Variants in KAZN observed in about 807,000 individuals in gnomAD.
The protein encoded by KAZN is kazrin.
In KAZN, 40 loss-of-function variants were observed where a neutral mutation model predicts 87.4. The ratio of observed to expected loss-of-function variants is 0.46; its 90% CI spans 0.36 to 0.60. The LOEUF is 0.60. Ranked by LOEUF, KAZN falls within the 20% of genes least tolerant of loss-of-function variation. The probability of loss-of-function intolerance (pLI) is 0.00; values close to 1 mark genes in which losing one functional copy is unlikely to be tolerated. For missense variants in KAZN, 898 were observed against 1,073.9 expected, an observed-to-expected ratio of 0.84 and a Z score of 2.29; for synonymous variants, 466 against 458.3, an observed-to-expected ratio of 1.02 and a Z score of -0.22.
chr1:14,063,749 T>C (rs1024926476), intron 1 of KAZN, among the ~76,000 whole-genome samples: 11 of 152,172 alleles, frequency 7.2e-5, no homozygotes. Flanking sequence ...GTGGAGATAA[T>C]TGAATCATGG....
At chr1:14,006,863 T>A (rs1433190074) in intron 1 of KAZN, among the ~76,000 whole-genome samples, 3 of 152,206 alleles carry the variant, frequency 2.0e-5, no homozygotes, top group Non-Finnish European at 4.4e-5. Flanking sequence ...TCTGTTTCTG[T>A]GAAAAATGCC....
chr1:14,402,809 A>C (rs1432728404), intron 2 of KAZN, among the ~76,000 whole-genome samples: 1 of 152,090 alleles, frequency 6.6e-6, no homozygotes, highest in Non-Finnish European at 1.5e-5. Flanking sequence ...TAAAAATCTC[A>C]CAGACCCAAA....
chr1:14,361,385 C>A (rs1571393255), intron 2 of KAZN, among the ~76,000 whole-genome samples: 1 of 152,330 alleles, frequency 6.6e-6, no homozygotes, highest in East Asian at 1.9e-4. Flanking sequence ...GGTGGTGGGA[C>A]CTGCTGAGCA....
chr1:14,478,156 A>C (rs541124330), intron 2 of KAZN, among the ~76,000 whole-genome samples: 7 of 152,192 alleles, frequency 4.6e-5, no homozygotes, highest in African/African-American at 1.7e-4. Context: ...CAGGACAAGA[A>C]AAATCCCTAG....
chr1:14,332,909 T>C (rs1656956046), intron 2 of KAZN, among the ~76,000 whole-genome samples: 2 of 152,176 alleles, frequency 1.3e-5, no homozygotes, highest in Admixed American at 6.5e-5. Flanking sequence ...CTGGGGTACA[T>C]GTGCAGGATG....
chr1:14,733,912 C>G (rs1366836433), intron 1 of KAZN, among the ~76,000 whole-genome samples: 1 of 152,194 alleles, frequency 6.6e-6, no homozygotes, highest in East Asian at 1.9e-4. Flanking sequence ...CACGCCCCAG[C>G]CAGTCCAGAC....
At chr1:14,970,513 T>C (rs1664915357) in intron 2 of KAZN, among the ~76,000 whole-genome samples, 1 of 152,066 alleles carries the variant, frequency 6.6e-6, no homozygotes, top group African/African-American at 2.4e-5. Context: ...TATGCAGTAA[T>C]TTTTTTTGCA....
At chr1:14,357,693 G>T (rs566492213) in intron 2 of KAZN, among the ~76,000 whole-genome samples, 1 of 152,290 alleles carries the variant, frequency 6.6e-6, no homozygotes, top group South Asian at 2.1e-4. Flanking sequence ...TGTGGTTTTT[G>T]TCATTGGTTC....
Position 15,024,392 on chromosome 1 carries a change from G to C in KAZN, c.419-10357G>C, listed in dbSNP as rs535839218. 3.9e-5 allele frequency among the ~76,000 whole-genome samples: 6 copies of C among 152,316 alleles called. No homozygotes were observed. In the East Asian group the frequency reaches 1.2e-3, roughly 29 times the overall value. On this transcript the variant is annotated intron_variant, in intron 2 of 14. Coordinates refer to ENST00000376030, the MANE Select transcript of KAZN (RefSeq NM_201628.3). ...GGGAAGGAAATGGAGACGGTGATAC[G>C]GTCAACCCTTTTGAACATTTTTGTT...
At chr1:15,064,301 A>G (rs1018413530) in intron 7 of KAZN, among the ~76,000 whole-genome samples, 2 of 152,152 alleles carry the variant, frequency 1.3e-5, no homozygotes, top group African/African-American at 4.8e-5. Flanking sequence ...CCACCAGGGA[A>G]GTGGTTCAAA....
chr1:14,407,696 CTG>C (rs1320688989), intron 2 of KAZN, among the ~76,000 whole-genome samples: 1 of 152,088 alleles, frequency 6.6e-6, no homozygotes, highest in African/African-American at 2.4e-5. Flanking sequence ...GTTGTATAAA[CTG>C]TTATCATGCA....
chr1:14,279,855 G>A (rs74057141), intron 2 of KAZN, among the ~76,000 whole-genome samples: 3,925 of 152,164 alleles, frequency 0.026, 152 homozygotes, highest in African/African-American at 0.088. Context: ...ACAGAAGAAC[G>A]GCCCAGGAGC....
Position 14,602,347 on chromosome 1 carries a change from G to A in KAZN, c.226+3124G>A, listed in dbSNP as rs78147625. ...TGTCTCTCCCTCCTGCAACTGAGTT[G>A]GATAATCCTTAATGAGAATGCTGGC... On this transcript the variant is annotated intron_variant, in intron 1 of 14. Transcript: ENST00000376030. Among the ~76,000 whole-genome samples the A allele has an allele frequency of 3.4e-3, 520 of 152,250 alleles. 10 individuals are homozygous for A. The highest frequency in any genetic ancestry group is 0.021 in the East Asian group (111 of 5,182).
intron 2 of KAZN, among the ~76,000 whole-genome samples, chr1:14,384,861 C>A (rs1350291166): frequency 6.6e-6 from 1 of 151,664 alleles, no homozygotes; most frequent in Non-Finnish European, 1.5e-5. Flanking sequence ...CCCTCTTTTT[C>A]TATTGATTGG....
intron 2 of KAZN, among the ~76,000 whole-genome samples, chr1:14,478,258 GAAGGAAGGAAGGAAGA>G (rs985350352): frequency 1.7e-4 from 24 of 142,918 alleles, no homozygotes; most frequent in South Asian, 8.8e-4. Context: ...AAGAAGGAAG[GAAGGAAGGAAGGAAGA>G]AAGGAAGGAA....
At chr1:14,854,550 T>C (rs1649848049) in intron 1 of KAZN, among the ~76,000 whole-genome samples, 1 of 152,108 alleles carries the variant, frequency 6.6e-6, no homozygotes, top group African/African-American at 2.4e-5. Flanking sequence ...AGACAAAACC[T>C]GAGGAGTGTC....
chr1:14,918,300 G>A (rs1352322181), intron 1 of KAZN, among the ~76,000 whole-genome samples: 2 of 152,028 alleles, frequency 1.3e-5, no homozygotes, highest in Non-Finnish European at 2.9e-5. Context: ...TCTCTTTCTT[G>A]GAGGCCTCTG....
chr1:14,256,663 C>T (rs1650539930), intron 2 of KAZN, among the ~76,000 whole-genome samples: 1 of 152,112 alleles, frequency 6.6e-6, no homozygotes, highest in Admixed American at 6.5e-5. Context: ...GTGATTGTGG[C>T]AACTGATTTA....
chr1:15,021,666 G>A lies in KAZN; in HGVS notation c.419-13083G>A, dbSNP rs1027931096. On this transcript the variant is annotated intron_variant, in intron 2 of 14. Transcript: ENST00000376030. This position sits in a 1 kb window ranked among gnomAD's most constrained non-coding sequence, Gnocchi z 4.2. ...TGGTGGCAGGGACAGTGTGCCCTGCGTGCAGTTAGCACCCTGAAGCCTGCA... is the reference window on the plus strand; with the variant it reads ...TGGTGGCAGGGACAGTGTGCCCTGCATGCAGTTAGCACCCTGAAGCCTGCA... 3.3e-5 allele frequency among the ~76,000 whole-genome samples: 5 copies of A among 152,114 alleles called. No homozygotes were observed. The highest frequency in any genetic ancestry group is 7.2e-5 in the African/African-American group (3 of 41,418).
Sources: allele counts gnomAD v4.1 joint callset (sites outside exome capture counted in the v4.1 genomes callset), GRCh38; gene constraint gnomAD v4.1.1; non-coding constraint Gnocchi (gnomAD v3.1); transcripts MANE v1.5; gene names NCBI Gene and HGNC (gene_info 2026-07-23, HGNC 2026-07-21).